EYA1: variants seen among roughly 807,000 people sequenced by gnomAD.
EYA1 encodes the protein protein phosphatase EYA1.
Under a neutral mutation model 82.0 loss-of-function variants are expected in EYA1, and 16 were observed. The ratio of observed to expected loss-of-function variants is 0.20; its 90% CI spans 0.13 to 0.30. The LOEUF is 0.30. Ranked by LOEUF, EYA1 falls within the 10% of genes least tolerant of loss-of-function variation. The pLI is 1.00. For missense variants in EYA1, 633 were observed against 730.7 expected (o/e 0.87, Z 1.54); for synonymous variants, 261 against 264.4 (o/e 0.99, Z 0.12).
intron 2 of EYA1, among the ~76,000 whole-genome samples, chr8:71,530,494 T>C (rs1045613842): frequency 6.6e-6 from 1 of 152,194 alleles, no homozygotes; most frequent in Admixed American, 6.5e-5. Context: ...AAATTGTAAA[T>C]CTCTGGATTC....
chr8:71,388,453 G>C (rs777241898), intron 2 of EYA1, among the ~76,000 whole-genome samples: 1 of 152,190 alleles, frequency 6.6e-6, no homozygotes, highest in East Asian at 1.9e-4. Flanking sequence ...AGAGTTTTTC[G>C]GTTGTCTGTG....
At chr8:71,532,656 AGGT>A (rs1814383927) in intron 2 of EYA1, among the ~76,000 whole-genome samples, 1 of 152,226 alleles carries the variant, frequency 6.6e-6, no homozygotes, top group Admixed American at 6.5e-5. Context: ...AAAAGATCAA[AGGT>A]CCGATTCCTA....
chr8:71,247,945 A>G (rs1813304957), intron 11 of EYA1, among the ~76,000 whole-genome samples: 2 of 152,170 alleles, frequency 1.3e-5, no homozygotes, highest in South Asian at 2.1e-4. Context: ...TTTATGTGCC[A>G]TAGTATTGTT....
At chr8:71,386,095 G>T (rs1828952521) in intron 2 of EYA1, among the ~76,000 whole-genome samples, 2 of 152,158 alleles carry the variant, frequency 1.3e-5, no homozygotes, top group South Asian at 4.1e-4. Context: ...CTGTTTTTCA[G>T]TAATGATAAT....
intron 2 of EYA1, among the ~76,000 whole-genome samples, chr8:71,500,602 C>G (rs987265208): frequency 2.6e-5 from 4 of 152,186 alleles, no homozygotes; most frequent in Admixed American, 1.3e-4. Context: ...AGTATTTACT[C>G]TGGGTAAGCT....
intron 2 of EYA1, among the ~76,000 whole-genome samples, chr8:71,501,570 C>T (rs1181008459): frequency 1.3e-5 from 2 of 152,282 alleles, no homozygotes; most frequent in East Asian, 3.9e-4. Context: ...ATATTTTATA[C>T]TACATCTACA....
chr8:71,275,084 G>A (rs1586131772), intron 9 of EYA1, among the ~76,000 whole-genome samples: 1 of 152,272 alleles, frequency 6.6e-6, no homozygotes, highest in African/African-American at 2.4e-5. Context: ...ATTCAACAAC[G>A]GAGTGGGGGC....
At chr8:71,330,850 C>CG (rs1823756458) in intron 4 of EYA1, among the ~76,000 whole-genome samples, 3 of 119,282 alleles carry the variant, frequency 2.5e-5, no homozygotes, top group South Asian at 2.8e-4. Flanking sequence ...TCCTTGATTT[C>CG]TTGTGTGTGT....
At chr8:71,270,853 G>T (rs184599938) in intron 10 of EYA1, among the ~76,000 whole-genome samples, 2 of 152,166 alleles carry the variant, frequency 1.3e-5, no homozygotes, top group Non-Finnish European at 2.9e-5. Context: ...GGGCGTGGTG[G>T]CTCGTGCCTG....
intron 2 of EYA1, among the ~76,000 whole-genome samples, chr8:71,470,375 T>A (rs1809096604): frequency 6.6e-6 from 1 of 152,142 alleles, no homozygotes; most frequent in Non-Finnish European, 1.5e-5. Context: ...GTAGAAACAA[T>A]GAGGTTTCTC....
At position 71,319,279 on chromosome 8, in the gene EYA1, C is replaced by T. The variant is rs554514348; in HGVS notation, c.419-1590G>A. Among the ~76,000 whole-genome samples, 6 of 152,096 alleles carry T rather than the reference C, an allele frequency of 3.9e-5. 1 individual carries two copies. The highest frequency in any genetic ancestry group is 6.8e-3 in the Middle Eastern group (2 of 294). ...CCAAGTAGCTGGGACTACAGGCACC[C>T]GCCACCACGCCTGGCTAATTTTTTG... On this transcript the variant is annotated intron_variant, in intron 6 of 17. Transcript: ENST00000340726.
chr8:71,333,758 T>G (rs1016513218), intron 4 of EYA1, among the ~76,000 whole-genome samples: 1 of 152,178 alleles, frequency 6.6e-6, no homozygotes, highest in African/African-American at 2.4e-5. Context: ...CTAACCAAAT[T>G]TGAAGACCTG....
At chr8:71,313,558 C>T (rs747910871) in intron 7 of EYA1, among the ~76,000 whole-genome samples, 34 of 152,114 alleles carry the variant, frequency 2.2e-4, no homozygotes, top group Admixed American at 5.2e-4. Flanking sequence ...TTACTATGTA[C>T]CACAGGTTGG....
At chr8:71,302,084 A>G (rs1465018046) in intron 7 of EYA1, among the ~76,000 whole-genome samples, 1 of 152,210 alleles carries the variant, frequency 6.6e-6, no homozygotes. Flanking sequence ...TGTGGATATC[A>G]ATGCTTTTTT....
intron 12 of EYA1, among the ~76,000 whole-genome samples, chr8:71,228,744 C>T (rs1171532133): frequency 1.3e-5 from 2 of 152,178 alleles, no homozygotes; most frequent in Admixed American, 1.3e-4. Context: ...AGGCACCACA[C>T]ACACAAAAAT....
chr8:71,349,098 A>C lies in EYA1; in HGVS notation c.124+5684T>G, dbSNP rs77732499. ...CAATCAGACAGCTGATGAAATTATA[A>C]TTAAGTCTAAGGATTTGAAAACAAT... On this transcript the variant is annotated intron_variant, in intron 3 of 17. Transcript: ENST00000340726. 9.2e-3 allele frequency among the ~76,000 whole-genome samples: 1,407 copies of C among 152,344 alleles called. 22 individuals carry two copies. Among genetic ancestry groups the C allele is most frequent in the African/African-American group, 0.031 (1,308 of 41,572 alleles).
At chr8:71,299,754 AG>A (rs752171383) in intron 7 of EYA1, 34 bp from the exon 8 acceptor site, 5 of 1,129,824 alleles carry the variant, frequency 4.4e-6, no homozygotes, top group Non-Finnish European at 6.7e-6. Flanking sequence ...CGATTATACC[AG>A]GCTTGTGGAA....
At chr8:71,343,362 G>A (rs978250703) in intron 3 of EYA1, among the ~76,000 whole-genome samples, 2 of 152,088 alleles carry the variant, frequency 1.3e-5, no homozygotes, top group East Asian at 1.9e-4. Flanking sequence ...CTTAATCCCC[G>A]ATGTGTCAGT....
intron 2 of EYA1, among the ~76,000 whole-genome samples, chr8:71,450,322 G>A (rs1243844031): frequency 6.6e-6 from 1 of 152,180 alleles, no homozygotes; most frequent in Non-Finnish European, 1.5e-5. Context: ...TCTCCTTTCA[G>A]TTGAACACTT....
Sources: allele counts gnomAD v4.1 joint callset (sites outside exome capture counted in the v4.1 genomes callset), GRCh38; gene constraint gnomAD v4.1.1; transcripts MANE v1.5; gene names NCBI Gene and HGNC (gene_info 2026-07-23, HGNC 2026-07-21).